Variants in RNF181 observed in about 807,000 individuals in gnomAD.
RNF181 encodes E3 ubiquitin-protein ligase RNF181.
RNF181 carries 25 observed loss-of-function variants against 23.3 expected under a neutral mutation model. That is an observed-to-expected ratio of 1.07 (90% confidence interval 0.78 to 1.50). RNF181 has a LOEUF of 1.50. Ranked by LOEUF, RNF181 falls within the 40% of genes most tolerant of loss-of-function variation. The probability of loss-of-function intolerance (pLI) is 0.00; values close to 1 mark genes in which losing one functional copy is unlikely to be tolerated. For synonymous variants in RNF181, 62 were observed against 70.9 expected (o/e 0.87, Z 0.63); for missense variants, 167 against 191.1 (o/e 0.87, Z 0.74).
In RNF181 at chr2:85,595,841, G is replaced by A; in HGVS notation, c.78G>A (p.Glu26=). The change falls in exon 1 of 5, where the codon GAG becomes GAA. Residue 26 remains glutamate, a synonymous_variant. Transcript: ENST00000306368. ...AGACGCGAACCAACATGCTGCTGGA[G>A]CTCGCAAGGTGGGTGCGCGGGGCTT... is the stretch of plus-strand genomic sequence containing the variant. The part of the protein sequence containing the change: ...EQETRTNMLL[E]LARSLFNRMD... The A allele has an allele frequency of 1.2e-6, 2 of 1,613,894 alleles. No homozygotes were observed. The highest frequency in any genetic ancestry group is 1.7e-6 in the Non-Finnish European group (2 of 1,179,918).
In RNF181 at chr2:85,595,787, C is replaced by T. The variant is rs1160176357; in HGVS notation, c.24C>T (p.His8=). The T allele has an allele frequency of 6.2e-7, 1 of 1,613,840 alleles. No homozygotes were observed. Among genetic ancestry groups the T allele is most frequent in the African/African-American group, 1.3e-5 (1 of 74,912 alleles). Residue 8 remains histidine, a synonymous_variant, in exon 1 of 5, where the codon CAC becomes CAT. Transcript: ENST00000306368. ...CCATGGCGTCCTATTTCGATGAACA[C>T]GACTGCGAGCCGTCGGACCCTGAGC... is the stretch of plus-strand genomic sequence containing the variant. The part of the protein sequence containing the change: MASYFDE[H]DCEPSDPEQE...
chr2:85,596,298 C>T (rs1295941629), intron 1 of RNF181, among the ~76,000 whole-genome samples: 1 of 152,024 alleles, frequency 6.6e-6, no homozygotes, highest in Non-Finnish European at 1.5e-5. Context: ...TCTGTTGCCT[C>T]ATGTGTAAAA....
chr2:85,597,008 G>A (rs1351838081), intron 3 of RNF181, 77 bp downstream of exon 3: 11 of 1,613,918 alleles, frequency 6.8e-6, no homozygotes, highest in Non-Finnish European at 9.3e-6. Flanking sequence ...TGGACTGCTG[G>A]GGGATGGAAG....
At position 85,596,812 on chromosome 2, in the gene RNF181, C is replaced by G. The variant is rs185444882; in HGVS notation, c.218-10C>G. 1.2e-6 allele frequency: 2 copies of G among 1,613,302 alleles called. No homozygotes were observed. Among genetic ancestry groups the G allele is most frequent in the African/African-American group, 2.7e-5 (2 of 74,688 alleles). On this transcript the variant is annotated splice_polypyrimidine_tract_variant and intron_variant, in intron 2 of 4. Transcript: ENST00000306368. Reference sequence around the variant, plus strand: ...GTAGCAGCTCTCCTGATCAGCACTCCTTCCTAAAGAGCTCAAGTGCCCCGT... The same window carrying G: ...GTAGCAGCTCTCCTGATCAGCACTCGTTCCTAAAGAGCTCAAGTGCCCCGT...
intron 1 of RNF181, among the ~76,000 whole-genome samples, 197 bp downstream of exon 1, chr2:85,596,046 G>C (rs1672666769): frequency 2.1e-5 from 1 of 46,990 alleles, no homozygotes; most frequent in Non-Finnish European, 3.8e-5. Flanking sequence ...GGCCGGCCTG[G>C]GGCAAGGGGA....
chr2:85,597,632 C>T lies in RNF181; in HGVS notation c.*128C>T, dbSNP rs1672705383. On this transcript the variant is annotated 3_prime_UTR_variant, in exon 5 of 5. Transcript: ENST00000306368. The stretch of plus-strand genomic sequence containing the variant: ...TGGCCAGGGGCTCTGCATCCTCCAT[C>T]AGGTCTCTACTTCTGTTGGGGAAGG... 5.5e-6 allele frequency: 8 copies of T among 1,462,284 alleles called. No homozygotes were observed. Among genetic ancestry groups the T allele is most frequent in the African/African-American group, 1.4e-5 (1 of 70,354 alleles). 90.6% of individuals were successfully genotyped at this position (1,462,284 alleles called of 1,614,324 possible). A position where few individuals can be genotyped will look rare whatever the true frequency, so the allele number is the denominator to read the frequency against.
chr2:85,596,782 A>G, intron 2 of RNF181, 40 bp from the exon 3 acceptor site: 1 of 1,611,112 alleles, frequency 6.2e-7, no homozygotes, highest in Non-Finnish European at 8.5e-7. Flanking sequence ...TGGGAGGCAG[A>G]GCCTGTAGCA....
At position 85,597,645 on chromosome 2, in the gene RNF181, C is replaced by T; in HGVS notation, c.*141C>T. On this transcript the variant is annotated 3_prime_UTR_variant, in exon 5 of 5. Transcript: ENST00000306368. The stretch of plus-strand genomic sequence containing the variant: ...TGCATCCTCCATCAGGTCTCTACTT[C>T]TGTTGGGGAAGGTGATCCTAAATCG... 2 of 1,427,106 alleles carry T rather than the reference C, an allele frequency of 1.4e-6. No individual in the cohort carries two copies. The highest frequency in any genetic ancestry group is 1.8e-6 in the Non-Finnish European group (2 of 1,085,958). 88.4% of individuals were successfully genotyped at this position (1,427,106 alleles called of 1,614,324 possible). A position where few individuals can be genotyped will look rare whatever the true frequency, so the allele number is the denominator to read the frequency against.
At chr2:85,597,293 C>A in intron 4 of RNF181, 115 bp downstream of exon 4, 1 of 1,376,462 alleles carries the variant, frequency 7.3e-7, no homozygotes, top group Non-Finnish European at 1.0e-6. Context: ...CTGGCTCTGG[C>A]TGTCTTCTTA....
chr2:85,595,975 T>A, intron 1 of RNF181, 126 bp downstream of exon 1: 2 of 824,848 alleles, frequency 2.4e-6, no homozygotes, highest in Non-Finnish European at 4.0e-6. Flanking sequence ...GGAGTGTTAG[T>A]ACGGGCGGCG....
chr2:85,597,091 C>A lies in RNF181; in HGVS notation c.328-13C>A. The stretch of plus-strand genomic sequence containing the variant: ...ATCAGACCAAGGCTAGAACACTACT[C>A]TACTTTTCTCAGACAAATTCCTGTC... On this transcript the variant is annotated splice_polypyrimidine_tract_variant and intron_variant, in intron 3 of 4. Coordinates refer to ENST00000306368, the MANE Select transcript of RNF181 (RefSeq NM_016494.4). 3 of 1,614,178 alleles carry A rather than the reference C, an allele frequency of 1.9e-6. No individual in the cohort carries two copies. Among genetic ancestry groups the A allele is most frequent in the Non-Finnish European group, 2.5e-6 (3 of 1,180,026 alleles).
At chr2:85,595,945 G>A in intron 1 of RNF181, 96 bp downstream of exon 1, 1 of 1,074,542 alleles carries the variant, frequency 9.3e-7, no homozygotes, top group South Asian at 1.3e-5. Flanking sequence ...CGGATTCTGG[G>A]GAGGACAGAT....
At chr2:85,595,870 G>T in intron 1 of RNF181, 21 bp downstream of exon 1, 2 of 1,609,862 alleles carry the variant, frequency 1.2e-6, no homozygotes, top group East Asian at 2.2e-5. Flanking sequence ...GGGGCTTGGG[G>T]ATAGGGTCCA....
rs1294131087 is a variant in RNF181, at chr2:85,597,582, C to G, written c.*78C>G. 2 of 1,592,534 alleles carry G rather than the reference C, an allele frequency of 1.3e-6. No homozygotes were observed. Among genetic ancestry groups the G allele is most frequent in the Non-Finnish European group, 1.7e-6 (2 of 1,170,508 alleles). ...CCTCATTAAAGGTTTCTTTACCCAC[C>G]CTGAGGCTGTATTGATCACAGACCT... On this transcript the variant is annotated 3_prime_UTR_variant, in exon 5 of 5. Transcript: ENST00000306368.
Position 85,596,950 on chromosome 2 carries a change from T to C in RNF181, c.327+19T>C, listed in dbSNP as rs2232747. 0.061 allele frequency: 97,835 copies of C among 1,614,028 alleles called. 11,311 individuals are homozygous for C. The highest frequency in any genetic ancestry group is 0.45 in the African/African-American group (33,862 of 74,934). The stretch of plus-strand genomic sequence containing the variant: ...AAGCAAGGTACTGCTTCTCTTCTTC[T>C]AGCTCTCACCGTGCCCTGGGCCCAG... On this transcript the variant is annotated intron_variant, in intron 3 of 4. Transcript: ENST00000306368.
Position 85,596,883 on chromosome 2 carries a change from T to C in RNF181, c.279T>C (p.Pro93=). ...FEEEETAIEM[P]CHHLFHSSCI... The stretch of plus-strand genomic sequence containing the variant: ...AGGAGGAGACTGCCATTGAGATGCC[T>C]TGCCATCACCTTTTCCATTCCAGCT... The change falls in exon 3 of 5, where the codon CCT becomes CCC. Residue 93 remains proline, a synonymous_variant. Coordinates refer to ENST00000306368, the MANE Select transcript of RNF181 (RefSeq NM_016494.4). 6.2e-7 allele frequency: 1 copy of C among 1,614,234 alleles called. No individual in the cohort carries two copies.
At chr2:85,597,327 C>A in intron 4 of RNF181, 118 bp from the exon 5 acceptor site, 1 of 1,413,490 alleles carries the variant, frequency 7.1e-7, no homozygotes, top group Non-Finnish European at 9.6e-7. Context: ...GTGGTGAGAG[C>A]CTCAGCAATG....
rs760470258 is a variant in RNF181, at chr2:85,596,159, C to T, written c.86+310C>T. On this transcript the variant is annotated intron_variant, in intron 1 of 4. Coordinates refer to ENST00000306368, the MANE Select transcript of RNF181 (RefSeq NM_016494.4). ...GTGAGGCATGGGGGCGGGGTTGGGG[C>T]CGTGTGCTGTGAGTGGGTATATTCA... Among the ~76,000 whole-genome samples, 62 of 151,992 alleles carry T rather than the reference C, an allele frequency of 4.1e-4. 1 individual carries two copies. Among genetic ancestry groups the T allele is most frequent in the Admixed American group, 2.0e-4 (3 of 15,270 alleles).
Position 85,597,052 on chromosome 2 carries a change from A to G in RNF181, c.328-52A>G, listed in dbSNP as rs754904160. 11 of 1,613,996 alleles carry G rather than the reference A, an allele frequency of 6.8e-6. No homozygotes were observed. The Admixed American group carries it at 1.5e-4, about 22-fold the overall frequency. On this transcript the variant is annotated intron_variant, in intron 3 of 4. Transcript: ENST00000306368. ...CAGTTGGGAGCAGGGGAGGGTGGTT[A>G]TCAGCTTATGAAGATCAGACCAAGG...
Sources: gnomAD v4.1 joint callset for allele counts (sites outside exome capture counted in the v4.1 genomes callset) on GRCh38, gnomAD v4.1.1 for gene constraint, MANE v1.5 for transcripts, NCBI Gene and HGNC (gene_info 2026-07-23, HGNC 2026-07-21) for gene names.